SPIDR: variants seen among roughly 807,000 people sequenced by gnomAD.
The protein encoded by SPIDR is DNA repair-scaffolding protein.
A neutral mutation model predicts 104.6 loss-of-function variants in SPIDR; 93 were observed. That is an observed-to-expected ratio of 0.89 (90% CI 0.75 to 1.06). SPIDR has a LOEUF of 1.06. Ranked by LOEUF, SPIDR falls within the 50% of genes least tolerant of loss-of-function variation. The pLI, the probability that SPIDR is intolerant of heterozygous loss-of-function variation, is 0.00. For missense variants in SPIDR, 1,154 were observed against 1,111.2 expected, an observed-to-expected ratio of 1.04 and a Z score of -0.55; for synonymous variants, 431 against 416.9, an observed-to-expected ratio of 1.03 and a Z score of -0.41.
intron 10 of SPIDR, among the ~76,000 whole-genome samples, chr8:47,632,984 G>A (rs900503203): frequency 6.6e-6 from 1 of 152,186 alleles, no homozygotes; most frequent in Admixed American, 6.5e-5. Flanking sequence ...AGGGCATAAG[G>A]CAATTTGCCT....
At chr8:47,625,132 A>C (rs2065839851) in intron 10 of SPIDR, among the ~76,000 whole-genome samples, 1 of 152,246 alleles carries the variant, frequency 6.6e-6, no homozygotes, top group Non-Finnish European at 1.5e-5. Context: ...ACCAAAGACA[A>C]AAACTACATG....
intron 5 of SPIDR, among the ~76,000 whole-genome samples, chr8:47,300,889 G>C (rs1402721515): frequency 6.6e-6 from 1 of 152,270 alleles, no homozygotes; most frequent in African/African-American, 2.4e-5. Flanking sequence ...ATTTGGAATA[G>C]GTGTGGTGTG....
chr8:47,429,032 C>T (rs1283440080), intron 7 of SPIDR, among the ~76,000 whole-genome samples: 7 of 152,096 alleles, frequency 4.6e-5, no homozygotes, highest in Non-Finnish European at 8.8e-5. Context: ...GAAGATTTTG[C>T]GTGAATACTG....
At chr8:47,410,314 G>T (rs971139991) in intron 7 of SPIDR, among the ~76,000 whole-genome samples, 4 of 151,798 alleles carry the variant, frequency 2.6e-5, no homozygotes, top group African/African-American at 9.7e-5. Context: ...CGGAGTAGCT[G>T]GGACTATAGG....
intron 8 of SPIDR, among the ~76,000 whole-genome samples, chr8:47,579,648 G>T (rs1430035304): frequency 6.6e-6 from 1 of 152,120 alleles, no homozygotes; most frequent in African/African-American, 2.4e-5. Context: ...TCTTTCCATG[G>T]TAACTTGCCA....
chr8:47,528,195 A>G (rs768356462), intron 8 of SPIDR: 2 of 152,212 alleles, frequency 1.3e-5, no homozygotes, highest in East Asian at 1.9e-4. Flanking sequence ...CATGGGGCCA[A>G]TCTGTCTTTG....
intron 11 of SPIDR, among the ~76,000 whole-genome samples, chr8:47,695,960 C>T (rs1211876254): frequency 6.6e-6 from 1 of 152,130 alleles, no homozygotes; most frequent in East Asian, 1.9e-4. Flanking sequence ...GGTGCCACTC[C>T]CACTCTCTTC....
Position 47,299,831 on chromosome 8 carries a change from T to A in SPIDR, c.525+5801T>A, listed in dbSNP as rs1270495738. Among the ~76,000 whole-genome samples the A allele has an allele frequency of 2.3e-3, 356 of 152,308 alleles. 1 individual carries two copies. Among genetic ancestry groups the A allele is most frequent in the African/African-American group, 8.3e-3 (346 of 41,570 alleles). ...TGATCATGGTGGATAAGGTTTTTGA[T>A]GTGCTGCTGGATTCGGTGTGCCAGT... On this transcript the variant is annotated intron_variant, in intron 5 of 19. Coordinates refer to ENST00000297423, the MANE Select transcript of SPIDR (RefSeq NM_001080394.4).
chr8:47,664,872 G>C (rs2074688445), intron 10 of SPIDR, among the ~76,000 whole-genome samples: 1 of 151,552 alleles, frequency 6.6e-6, no homozygotes, highest in African/African-American at 2.4e-5. Flanking sequence ...CTCCAGCCTG[G>C]GTGCAGAGTG....
At chr8:47,724,558 A>C (rs536045908) in intron 16 of SPIDR, among the ~76,000 whole-genome samples, 1 of 152,214 alleles carries the variant, frequency 6.6e-6, no homozygotes, top group African/African-American at 2.4e-5. Flanking sequence ...CATGGCTCCA[A>C]GGGGACCCCT....
chr8:47,294,582 T>C (rs1708486787), intron 5 of SPIDR, among the ~76,000 whole-genome samples: 1 of 152,194 alleles, frequency 6.6e-6, no homozygotes. Flanking sequence ...ACTTAGCATA[T>C]AGTCGTACTC....
At chr8:47,499,704 T>C (rs1241405871) in intron 8 of SPIDR, among the ~76,000 whole-genome samples, 6 of 152,126 alleles carry the variant, frequency 3.9e-5, no homozygotes, top group Non-Finnish European at 8.8e-5. Flanking sequence ...TAGTTACATA[T>C]GTATACATGT....
At chr8:47,332,962 C>G (rs1442001208) in intron 5 of SPIDR, among the ~76,000 whole-genome samples, 4 of 149,024 alleles carry the variant, frequency 2.7e-5, no homozygotes, top group Admixed American at 2.0e-4. Context: ...CCTGTTCACT[C>G]TGATGGTAGT....
rs572587669 is a variant in SPIDR at position 47,459,703 on chromosome 8, T to C, written c.1097+19161T>C. 3.9e-5 allele frequency among the ~76,000 whole-genome samples: 6 copies of C among 152,282 alleles called. No homozygotes were observed. The South Asian group carries it at 1.2e-3, about 32-fold the overall frequency. ...GGTTTGTTGTTGTTTCTCTAGTTCCTTGAGGTGTTTCTCTAGTTCCTTAGA... is the reference window on the plus strand; with the variant it reads ...GGTTTGTTGTTGTTTCTCTAGTTCCCTGAGGTGTTTCTCTAGTTCCTTAGA... On this transcript the variant is annotated intron_variant, in intron 8 of 19. Transcript: ENST00000297423.
chr8:47,586,089 A>T (rs2060222615), intron 8 of SPIDR, among the ~76,000 whole-genome samples: 1 of 152,226 alleles, frequency 6.6e-6, no homozygotes, highest in Non-Finnish European at 1.5e-5. Context: ...ATTGCTGAAT[A>T]GTATTCCATG....
At chr8:47,700,310 C>A in intron 11 of SPIDR, 93 bp from the exon 12 acceptor site, 1 of 1,253,090 alleles carries the variant, frequency 8.0e-7, no homozygotes, top group Non-Finnish European at 1.2e-6. Context: ...TGGCCTTAGG[C>A]ATTAGAGTCT....
intron 5 of SPIDR, among the ~76,000 whole-genome samples, chr8:47,347,812 C>T (rs560758779): frequency 3.3e-5 from 5 of 152,168 alleles, no homozygotes; most frequent in African/African-American, 1.2e-4. Context: ...GTAGATCTTC[C>T]TCCGTTCCTT....
chr8:47,416,132 T>G (rs929323999), intron 7 of SPIDR, among the ~76,000 whole-genome samples: 5 of 152,122 alleles, frequency 3.3e-5, no homozygotes, highest in Non-Finnish European at 7.3e-5. Context: ...TAATCTCAGC[T>G]ACGCAGGAGG....
chr8:47,318,195 GA>G (rs1234534440), intron 5 of SPIDR, among the ~76,000 whole-genome samples: 1 of 151,912 alleles, frequency 6.6e-6, no homozygotes, highest in African/African-American at 2.4e-5. Context: ...AAAAACCTTG[GA>G]AAAAAACGAG....
Sources: gnomAD v4.1 joint callset for allele counts (sites outside exome capture counted in the v4.1 genomes callset) on GRCh38, gnomAD v4.1.1 for gene constraint, MANE v1.5 for transcripts, NCBI Gene and HGNC (gene_info 2026-07-23, HGNC 2026-07-21) for gene names.